PCDHA7: variants seen among roughly 807,000 people sequenced by gnomAD.
PCDHA7 encodes the protein protocadherin alpha 7.
Under a neutral mutation model 57.2 loss-of-function variants are expected in PCDHA7, and 37 were observed. The observed-to-expected ratio is 0.65, with a 90% CI of 0.50 to 0.85. The LOEUF (loss-of-function observed/expected upper bound fraction) is 0.85. Among genes scored for constraint, PCDHA7 ranks in the 40% least tolerant of loss-of-function variants. The pLI is 0.00. For synonymous variants in PCDHA7, 553 were observed against 558.8 expected, an observed-to-expected ratio of 0.99 and a Z score of 0.15; for missense variants, 1,188 against 1,241.8, an observed-to-expected ratio of 0.96 and a Z score of 0.65.
At chr5:140,911,384 C>T (rs2075446155) in intron 1 of PCDHA7, among the ~76,000 whole-genome samples, 1 of 152,134 alleles carries the variant, frequency 6.6e-6, no homozygotes, top group Non-Finnish European at 1.5e-5. Flanking sequence ...TGTGCATGCA[C>T]CTTTCATTGC....
Position 140,834,957 on chromosome 5 carries a change from C to G in PCDHA7, c.574C>G (p.Leu192Val), listed in dbSNP as rs1222102897. 5.9e-6 allele frequency: 9 copies of G among 1,532,830 alleles called. No homozygotes were observed. In the African/African-American group the frequency reaches 1.2e-4, roughly 20 times the overall value. The allele number at this position is 1,532,830 out of a possible 1,614,324, so 95.0% of individuals were successfully genotyped here. The change falls in exon 1 of 4, where the codon CTT becomes GTT. Residue 192 changes from leucine to valine, a missense_variant. Coordinates refer to ENST00000525929, the MANE Select transcript of PCDHA7 (RefSeq NM_018910.3). ...VPTSNQQVKP[L>V]GLVLRKLLDR... ...AACCAGCAACCAGCAGGTAAAACCT[C>G]TTGGACTTGTATTACGGAAACTTTT...
At chr5:140,976,794 A>T (rs1199342082) in intron 1 of PCDHA7, among the ~76,000 whole-genome samples, 1 of 152,230 alleles carries the variant, frequency 6.6e-6, no homozygotes, top group East Asian at 1.9e-4. Context: ...CTACGCTTTT[A>T]TGAATATCTG....
At chr5:140,967,207 T>G (rs376266648) in intron 1 of PCDHA7, 16 of 1,613,648 alleles carry the variant, frequency 9.9e-6, no homozygotes, top group Non-Finnish European at 1.1e-5. Flanking sequence ...ACTCACCGCG[T>G]TTCCCGCGGC....
In PCDHA7 at chr5:140,858,521, A is replaced by G. The variant is rs782589492; in HGVS notation, c.2355+21783A>G. On this transcript the variant is annotated intron_variant, in intron 1 of 3. Transcript: ENST00000525929. Reference sequence around the variant, plus strand: ...CATTTTCTCAAATATGTATCAGAATATTTCATTTTTGTCTACATTCCATTT... The same window carrying G: ...CATTTTCTCAAATATGTATCAGAATGTTTCATTTTTGTCTACATTCCATTT... 1.4e-6 allele frequency: 2 copies of G among 1,420,880 alleles called. 1 individual carries two copies. Among genetic ancestry groups the G allele is most frequent in the Non-Finnish European group, 1.9e-6 (2 of 1,028,816 alleles). 88.0% of individuals were successfully genotyped at this position (1,420,880 alleles called of 1,614,324 possible).
intron 1 of PCDHA7, among the ~76,000 whole-genome samples, chr5:140,937,540 C>T (rs2091570481): frequency 2.0e-5 from 3 of 152,116 alleles, no homozygotes; most frequent in East Asian, 3.9e-4. Flanking sequence ...TTGCTTGAAC[C>T]TGCGAGGCAG....
At position 140,906,523 on chromosome 5, in the gene PCDHA7, C is replaced by T. The variant is rs145617697; in HGVS notation, c.2355+69785C>T. Among the ~76,000 whole-genome samples, 1,221 of 152,284 alleles carry T rather than the reference C, an allele frequency of 8.0e-3. 6 individuals are homozygous for T. The highest frequency in any genetic ancestry group is 0.019 in the African/African-American group (786 of 41,540). On this transcript the variant is annotated intron_variant, in intron 1 of 3. Transcript: ENST00000525929. ...TTAACAAAGAAGGAGGAAATACTCA[C>T]GACAATTAAAATCCTCATTTCTGCA...
intron 3 of PCDHA7, among the ~76,000 whole-genome samples, chr5:140,991,894 C>T (rs1426754578): frequency 6.6e-6 from 1 of 152,164 alleles, no homozygotes; most frequent in Non-Finnish European, 1.5e-5. Context: ...AACAAATTAA[C>T]ACAAAATCCC....
rs147430561 is a variant in PCDHA7, at chr5:140,928,238, A to G, written c.2356-50711A>G. 4.7e-4 allele frequency: 756 copies of G among 1,614,188 alleles called. 4 individuals carry two copies. The African/African-American group carries it at 9.0e-3, about 19-fold the overall frequency. Reference sequence around the variant, plus strand: ...AATACACCAAACTTTCCTCAACCCCAGCAGGAACTTTTCGTTGCTGAAAAC... The same window carrying G: ...AATACACCAAACTTTCCTCAACCCCGGCAGGAACTTTTCGTTGCTGAAAAC... On this transcript the variant is annotated intron_variant, in intron 1 of 3. Coordinates refer to ENST00000525929, the MANE Select transcript of PCDHA7 (RefSeq NM_018910.3).
intron 1 of PCDHA7, among the ~76,000 whole-genome samples, chr5:140,900,358 A>C (rs2067968295): frequency 6.6e-6 from 1 of 151,358 alleles, no homozygotes. Flanking sequence ...GCTCACCGCA[A>C]CCTCTGCCTC....
At position 140,880,491 on chromosome 5, in the gene PCDHA7, A is replaced by G. The variant is rs570569134; in HGVS notation, c.2355+43753A>G. Among the ~76,000 whole-genome samples, 6 of 152,342 alleles carry G rather than the reference A, an allele frequency of 3.9e-5. No individual in the cohort carries two copies. In the South Asian group the frequency reaches 1.2e-3, roughly 32 times the overall value. On this transcript the variant is annotated intron_variant, in intron 1 of 3. Transcript: ENST00000525929. Reference sequence around the variant, plus strand: ...AGGAAAAATGACACAAGAAGAGAGCAATTGAATTTCTGTTTGGTCACATCT... The same window carrying G: ...AGGAAAAATGACACAAGAAGAGAGCGATTGAATTTCTGTTTGGTCACATCT...
chr5:140,895,665 A>G (rs782373926), intron 1 of PCDHA7, among the ~76,000 whole-genome samples: 1 of 152,114 alleles, frequency 6.6e-6, no homozygotes, highest in Non-Finnish European at 1.5e-5. Flanking sequence ...AAGTGAGAAC[A>G]TGTAGTATTT....
intron 1 of PCDHA7, chr5:140,843,461 A>C (rs1476836171): frequency 1.3e-6 from 2 of 1,595,756 alleles, no homozygotes; most frequent in African/African-American, 2.7e-5. Flanking sequence ...GCTGGTGCTC[A>C]CGCTGCTGCT....
At chr5:140,974,652 C>T (rs1238427822) in intron 1 of PCDHA7, among the ~76,000 whole-genome samples, 2 of 152,078 alleles carry the variant, frequency 1.3e-5, no homozygotes, top group East Asian at 1.9e-4. Context: ...GCTGAGATTA[C>T]AGGCATGCGC....
At chr5:140,876,343 T>A (rs1196276310) in intron 1 of PCDHA7, 2 of 1,613,854 alleles carry the variant, frequency 1.2e-6, no homozygotes, top group African/African-American at 2.7e-5. Flanking sequence ...GAGTGAGAAA[T>A]GTATGTTTTC....
intron 1 of PCDHA7, among the ~76,000 whole-genome samples, chr5:140,896,083 T>G (rs1202809868): frequency 6.6e-6 from 1 of 152,184 alleles, no homozygotes; most frequent in African/African-American, 2.4e-5. Context: ...CATGCTGGGA[T>G]TACAGGCGTG....
chr5:140,842,740 C>T, intron 1 of PCDHA7: 2 of 1,595,054 alleles, frequency 1.3e-6, no homozygotes, highest in Non-Finnish European at 1.7e-6. Context: ...CGGGCTGCCA[C>T]ATCTTCACGG....
intron 1 of PCDHA7, chr5:140,875,971 CTT>C: frequency 6.2e-7 from 1 of 1,614,030 alleles, no homozygotes. Flanking sequence ...CGTAAACTCT[CTT>C]TTGACCTATG....
At chr5:140,859,972 C>A (rs949834053) in intron 1 of PCDHA7, 1 of 151,842 alleles carries the variant, frequency 6.6e-6, no homozygotes, top group South Asian at 2.1e-4. Flanking sequence ...CTCAGGTATA[C>A]AAGTGCATTA....
Position 140,969,025 on chromosome 5 carries a change from T to G in PCDHA7, c.2356-9924T>G, listed in dbSNP as rs1554231368. On this transcript the variant is annotated intron_variant, in intron 1 of 3. Transcript: ENST00000525929. ...TCTGTGGAGTAAGGGAAAGGTCCCC[T>G]GCAGAACTGTACAAACAAGCCAACA... The G allele has an allele frequency of 1.9e-6, 3 of 1,614,178 alleles. No individual in the cohort carries two copies. The East Asian group carries it at 6.7e-5, about 36-fold the overall frequency.
Sources: gnomAD v4.1 joint callset for allele counts (sites outside exome capture counted in the v4.1 genomes callset) on GRCh38, gnomAD v4.1.1 for gene constraint, MANE v1.5 for transcripts, NCBI Gene and HGNC (gene_info 2026-07-23, HGNC 2026-07-21) for gene names.